The following KMO variants were observed in gnomAD, a reference collection of about 807,000 sequenced individuals.
KMO encodes the protein kynurenine 3-monooxygenase.
Under a neutral mutation model 57.8 loss-of-function variants are expected in KMO, and 24 were observed. That is an observed-to-expected ratio of 0.42 (90% confidence interval 0.30 to 0.58). The LOEUF (loss-of-function observed/expected upper bound fraction) is 0.58. Ranked by LOEUF, KMO falls within the 20% of genes least tolerant of loss-of-function variation. KMO has a pLI of 0.22. For missense variants in KMO, 483 were observed against 588.2 expected (o/e 0.82, Z 1.85); for synonymous variants, 210 against 193.6 (o/e 1.08, Z -0.70).
rs144089555 is a variant in KMO at position 241,588,761 on chromosome 1, T to G, written c.1029T>G (p.Pro343=). 427 of 1,612,576 alleles carry G rather than the reference T, an allele frequency of 2.6e-4. No individual in the cohort carries two copies. Among genetic ancestry groups the G allele is most frequent in the Non-Finnish European group, 3.4e-4 (406 of 1,178,896 alleles). ...KFSNDLSLCL[P]VFSRLRIPDD... ...TTTAACTTACAGGTTTGTGTCTTCC[T>G]GTGTTCTCAAGATTGAGAATCCCAG... The change falls in exon 12 of 15, where the codon CCT becomes CCG. Residue 343 remains proline (P), a synonymous_variant. Coordinates refer to ENST00000366559, the MANE Select transcript of KMO (RefSeq NM_003679.5).
At chr1:241,537,631 C>A (rs1228278635) in intron 1 of KMO, among the ~76,000 whole-genome samples, 5 of 151,936 alleles carry the variant, frequency 3.3e-5, no homozygotes, top group Non-Finnish European at 7.4e-5. Flanking sequence ...TGAGACTGGG[C>A]AATTTATAAA....
chr1:241,594,319 A>T lies in KMO; in HGVS notation c.*2166A>T. 1.6e-6 allele frequency: 2 copies of T among 1,237,314 alleles called. No homozygotes were observed. The highest frequency in any genetic ancestry group is 3.0e-5 in the South Asian group (2 of 67,350). 76.6% of individuals were successfully genotyped at this position (1,237,314 alleles called of 1,614,324 possible). On this transcript the variant is annotated 3_prime_UTR_variant, in exon 15 of 15. Transcript: ENST00000366559. ...CAATTCGGATTTCCTGCTGGACCAC[A>T]AGGTTCTGTTGATATTACATAGAAC...
At chr1:241,548,926 G>T in intron 2 of KMO, 28 bp downstream of exon 2, 1 of 1,499,544 alleles carries the variant, frequency 6.7e-7, no homozygotes, top group South Asian at 1.1e-5. Flanking sequence ...AAAGCAGGAT[G>T]AACGCTGGGC....
At chr1:241,588,286 A>T (rs1312934643) in intron 11 of KMO, among the ~76,000 whole-genome samples, 2 of 151,084 alleles carry the variant, frequency 1.3e-5, no homozygotes, top group Admixed American at 1.3e-4. Context: ...CTGGGTCTGA[A>T]GAGATCATAG....
At chr1:241,556,640 G>A (rs1366394027) in intron 5 of KMO, among the ~76,000 whole-genome samples, 4 of 152,178 alleles carry the variant, frequency 2.6e-5, no homozygotes, top group Non-Finnish European at 5.9e-5. Flanking sequence ...AGCACATTGG[G>A]AGGCCGAGGC....
At chr1:241,533,857 G>A (rs1460300666) in intron 1 of KMO, among the ~76,000 whole-genome samples, 1 of 152,218 alleles carries the variant, frequency 6.6e-6, no homozygotes, top group African/African-American at 2.4e-5. Flanking sequence ...GAAGGGACAT[G>A]TGACCAGAGA....
rs568184340 is a variant in KMO at position 241,532,515 on chromosome 1, G to A, written c.54+17G>A. ...GGTGGCTTGGTAAGAATTTTCAGAT[G>A]GATTACTATTGTTGGTGGTATTATA... is the stretch of plus-strand genomic sequence containing the variant. On this transcript the variant is annotated intron_variant, in intron 1 of 14. Transcript: ENST00000366559. 5 of 1,581,606 alleles carry A rather than the reference G, an allele frequency of 3.2e-6. No individual in the cohort carries two copies. The South Asian group carries it at 3.4e-5, about 11-fold the overall frequency.
chr1:241,544,609 T>C lies in KMO; in HGVS notation c.55-4220T>C, dbSNP rs1021690590. On this transcript the variant is annotated intron_variant, in intron 1 of 14. Transcript: ENST00000366559. ...ATAAAGGATATCATCATGACCATCT[T>C]TGAAAAATACAATTTGCCACATTTG... 2.6e-5 allele frequency among the ~76,000 whole-genome samples: 4 copies of C among 152,188 alleles called. 1 individual carries two copies. The highest frequency in any genetic ancestry group is 6.5e-5 in the Admixed American group (1 of 15,268).
At position 241,566,506 on chromosome 1, in the gene KMO, T is replaced by G. The variant is rs771112518; in HGVS notation, c.703T>G (p.Cys235Gly). The G allele has an allele frequency of 1.9e-6, 3 of 1,613,344 alleles. No individual in the cohort carries two copies. Among genetic ancestry groups the G allele is most frequent in the Non-Finnish European group, 2.5e-6 (3 of 1,179,612 alleles). Residue 235 changes from cysteine to glycine, a missense_variant, in exon 9 of 15, where the codon TGT (cysteine) becomes GGT (glycine). By Grantham distance (159) the Cys-to-Gly change is radical. Transcript: ENST00000366559. ...CTTCTCACAGAACAAATCATTCACA[T>G]GTACTTTGTTCATGCCCTTTGAAGA... is the stretch of plus-strand genomic sequence containing the variant. ...ALPNMNKSFT[C>G]TLFMPFEEFE... is the part of the protein sequence containing the mutation.
In KMO at chr1:241,560,750, T is replaced by C; in HGVS notation, c.447T>C (p.Leu149=). ...CAGAGGAAGGAATGATCACAGTGCT[T>C]GGGTAACTACGGGTCAGGTTTTGGA... ...CNPEEGMITV[L]GSDKVPKDVT... is the part of the protein sequence containing the mutation. Residue 149 remains leucine (L), a splice_region_variant and synonymous_variant, in exon 6 of 15, where the codon CTT becomes CTC. Coordinates refer to ENST00000366559, the MANE Select transcript of KMO (RefSeq NM_003679.5). The C allele has an allele frequency of 6.2e-7, 1 of 1,610,314 alleles. No individual in the cohort carries two copies. The highest frequency in any genetic ancestry group is 8.5e-7 in the Non-Finnish European group (1 of 1,176,522).
chr1:241,573,638 C>G (rs575288582), intron 10 of KMO, among the ~76,000 whole-genome samples: 2 of 152,196 alleles, frequency 1.3e-5, no homozygotes, highest in African/African-American at 2.4e-5. Flanking sequence ...GTCTATCTGT[C>G]TACTTGTATA....
chr1:241,538,312 C>G (rs1290045559), intron 1 of KMO, among the ~76,000 whole-genome samples: 1 of 152,122 alleles, frequency 6.6e-6, no homozygotes, highest in African/African-American at 2.4e-5. Flanking sequence ...CTCCTATTAT[C>G]CTTACTCCAT....
At chr1:241,560,410 C>T (rs1661792049) in intron 5 of KMO, among the ~76,000 whole-genome samples, 1 of 152,178 alleles carries the variant, frequency 6.6e-6, no homozygotes, top group African/African-American at 2.4e-5. Context: ...CAAGAGTTTG[C>T]ACAATGGAAT....
At chr1:241,532,753 A>T (rs1660622139) in intron 1 of KMO, among the ~76,000 whole-genome samples, 1 of 151,982 alleles carries the variant, frequency 6.6e-6, no homozygotes, top group East Asian at 1.9e-4. Flanking sequence ...TTCCCTCATC[A>T]TTTTGGTTTA....
rs2147991456 is a variant in KMO, at chr1:241,593,798, T to C, written c.*1645T>C. ...AGCTTTGAGTCTGTAGGGGCAGCAA[T>C]TTGGGGGAAGCAAATATATGGGAGT... On this transcript the variant is annotated 3_prime_UTR_variant, in exon 15 of 15. Coordinates refer to ENST00000366559, the MANE Select transcript of KMO (RefSeq NM_003679.5). 6.5e-6 allele frequency: 1 copy of C among 154,220 alleles called. No homozygotes were observed. Among genetic ancestry groups the C allele is most frequent in the East Asian group, 1.9e-4 (1 of 5,236 alleles). The allele number at this position is 154,220 out of a possible 1,614,324, so 9.6% of individuals were successfully genotyped here.
chr1:241,581,359 G>T (rs1662744403), intron 10 of KMO, among the ~76,000 whole-genome samples: 1 of 152,012 alleles, frequency 6.6e-6, no homozygotes, highest in African/African-American at 2.4e-5. Context: ...ACTTACTGCT[G>T]CCATACAGTT....
At chr1:241,580,031 C>T (rs765377201) in intron 10 of KMO, among the ~76,000 whole-genome samples, 5 of 152,176 alleles carry the variant, frequency 3.3e-5, no homozygotes, top group African/African-American at 4.8e-5. Context: ...GTAGGGTTAA[C>T]GCCTTCCCCC....
chr1:241,549,251 A>C (rs202061794), intron 2 of KMO, among the ~76,000 whole-genome samples: 1,404 of 19,584 alleles, frequency 0.072, 108 homozygotes, highest in Admixed American at 0.24. Flanking sequence ...GAAAGAAAGA[A>C]AGAAAGAAAG....
intron 12 of KMO, among the ~76,000 whole-genome samples, chr1:241,589,156 T>A (rs562273900): frequency 6.6e-6 from 1 of 152,234 alleles, no homozygotes; most frequent in Non-Finnish European, 1.5e-5. Context: ...TGTGTCAACA[T>A]ATTTAGAAAA....
Sources: allele counts gnomAD v4.1 joint callset (sites outside exome capture counted in the v4.1 genomes callset), GRCh38; gene constraint gnomAD v4.1.1; transcripts MANE v1.5; gene names NCBI Gene and HGNC (gene_info 2026-07-23, HGNC 2026-07-21).